Variants in TENM2 observed in about 807,000 individuals in gnomAD.
TENM2 encodes the protein teneurin-2.
In TENM2, 52 loss-of-function variants were observed where a neutral mutation model predicts 245.2. The ratio of observed to expected loss-of-function variants is 0.21; its 90% confidence interval spans 0.17 to 0.27. The LOEUF is 0.27. TENM2 is among the 10% of genes least tolerant of loss of function. The pLI is 1.00. For missense variants in TENM2, 3,046 were observed against 3,666.8 expected, an observed-to-expected ratio of 0.83 and a Z score of 4.37; for synonymous variants, 1,363 against 1,438.9, an observed-to-expected ratio of 0.95 and a Z score of 1.19.
chr5:167,685,871 A>G (rs540608371), intron 2 of TENM2, among the ~76,000 whole-genome samples: 2 of 150,832 alleles, frequency 1.3e-5, no homozygotes, highest in Non-Finnish European at 3.0e-5. Context: ...CGCTTTTTCA[A>G]CAGTGTATGG....
the TENM2 span, among the ~76,000 whole-genome samples, chr5:167,100,730 G>A: frequency 1.3e-5 from 2 of 152,068 alleles, no homozygotes; most frequent in African/African-American, 4.8e-5. Flanking sequence ...GCAACAAAGA[G>A]AGTTTTCCTT....
exon 27 of TENM2, chr5:168,246,859 A>T: frequency 6.2e-7 from 1 of 1,613,952 alleles, no homozygotes; most frequent in Non-Finnish European, 8.5e-7. Flanking sequence ...CCGGCACAGC[A>T]TGTCCACACA....
intron 2 of TENM2, among the ~76,000 whole-genome samples, chr5:167,524,312 C>T (rs868664137): frequency 2.0e-5 from 3 of 152,050 alleles, no homozygotes; most frequent in African/African-American, 4.8e-5. Flanking sequence ...AATAACAATA[C>T]CTACTTCCCT....
At chr5:167,695,519 TG>T (rs1757700170) in intron 2 of TENM2, among the ~76,000 whole-genome samples, 1 of 152,078 alleles carries the variant, frequency 6.6e-6, no homozygotes, top group South Asian at 2.1e-4. Context: ...GGAGTCTCAG[TG>T]GGATGCTAGA....
At chr5:167,083,041 G>A in the TENM2 span, among the ~76,000 whole-genome samples, 1 of 151,928 alleles carries the variant, frequency 6.6e-6, no homozygotes, top group East Asian at 1.9e-4. Context: ...CAAACTCTAG[G>A]GAGCAACCAC....
the TENM2 span, among the ~76,000 whole-genome samples, chr5:167,097,529 CA>C: frequency 2.7e-5 from 4 of 147,774 alleles, no homozygotes; most frequent in East Asian, 2.0e-4. Flanking sequence ...GTAGGGTGCA[CA>C]AAAAAAAACG....
intron 2 of TENM2, among the ~76,000 whole-genome samples, chr5:167,383,741 A>C (rs903536963): frequency 2.0e-5 from 3 of 152,086 alleles, no homozygotes; most frequent in South Asian, 2.1e-4. Flanking sequence ...AAAAAAAAAA[A>C]AAAAAAAAAC....
chr5:167,174,066 A>G, the TENM2 span, among the ~76,000 whole-genome samples: 1 of 150,734 alleles, frequency 6.6e-6, no homozygotes, highest in African/African-American at 2.4e-5. Context: ...AAATAAAGAC[A>G]GAGCTATGGT....
intron 3 of TENM2, among the ~76,000 whole-genome samples, chr5:167,906,466 A>C (rs758135341): frequency 7.9e-5 from 12 of 152,180 alleles, no homozygotes; most frequent in Non-Finnish European, 1.8e-4. Context: ...TGAGAAAGGC[A>C]CCAACCCTGA....
In TENM2 at chr5:167,448,066, C is replaced by T. The variant is rs150662467; in HGVS notation, c.502+72593C>T. On this transcript the variant is annotated intron_variant, in intron 2 of 28. Transcript: ENST00000518659. ...GTGGGATAAAAATTCCTTTCCCAGT[C>T]CCTACTTATCAACATGAAACATCTG... 3.4e-3 allele frequency among the ~76,000 whole-genome samples: 518 copies of T among 152,246 alleles called. 3 individuals carry two copies. The highest frequency in any genetic ancestry group is 0.012 in the African/African-American group (491 of 41,542).
intron 2 of TENM2, among the ~76,000 whole-genome samples, chr5:167,401,517 A>G (rs1762365445): frequency 6.6e-6 from 1 of 152,174 alleles, no homozygotes; most frequent in African/African-American, 2.4e-5. Flanking sequence ...GACAAAGTGT[A>G]AAATGTTCTG....
At chr5:168,121,532 A>G (rs1795465337) in intron 10 of TENM2, among the ~76,000 whole-genome samples, 1 of 152,230 alleles carries the variant, frequency 6.6e-6, no homozygotes, top group East Asian at 1.9e-4. Context: ...TTTTAGATAC[A>G]ATAAATGGTT....
chr5:167,767,223 G>A (rs1336071014), intron 2 of TENM2, among the ~76,000 whole-genome samples: 1 of 152,156 alleles, frequency 6.6e-6, no homozygotes. Context: ...ATCTTAAAAA[G>A]GAAGGGAATT....
At chr5:167,173,303 T>C in the TENM2 span, among the ~76,000 whole-genome samples, 1 of 152,214 alleles carries the variant, frequency 6.6e-6, no homozygotes, top group Non-Finnish European at 1.5e-5. Context: ...ACTTCCTGTT[T>C]CCCCTTTCTC....
intron 13 of TENM2, among the ~76,000 whole-genome samples, chr5:168,171,040 G>C (rs1024224436): frequency 1.3e-5 from 2 of 152,160 alleles, no homozygotes; most frequent in Non-Finnish European, 2.9e-5. Context: ...AGTTCCACCC[G>C]AGGGTCTTTG....
chr5:167,460,724 C>T (rs1766245331), intron 2 of TENM2, among the ~76,000 whole-genome samples: 1 of 152,044 alleles, frequency 6.6e-6, no homozygotes, highest in South Asian at 2.1e-4. Context: ...AAGACAATGT[C>T]AGTTTCCCTA....
In TENM2 at chr5:168,153,554, C is replaced by G. The variant is rs184820352; in HGVS notation, c.2423-9057C>G. 4.9e-3 allele frequency among the ~76,000 whole-genome samples: 741 copies of G among 152,280 alleles called. 2 individuals are homozygous for G. The highest frequency in any genetic ancestry group is 7.9e-3 in the Admixed American group (121 of 15,292). ...GTTCAGAGAGACACATCTGGAAAAG[C>G]CCACAAGAAGAATCCAGGCTACAGA... On this transcript the variant is annotated intron_variant, in intron 12 of 28. Coordinates refer to ENST00000518659, the Ensembl canonical transcript of TENM2.
At chr5:167,602,614 C>A (rs1306646469) in intron 2 of TENM2, among the ~76,000 whole-genome samples, 1 of 152,136 alleles carries the variant, frequency 6.6e-6, no homozygotes, top group African/African-American at 2.4e-5. Flanking sequence ...GAAACTACTT[C>A]TTTGTGAATG....
At chr5:167,361,308 CT>C (rs1759700294) in intron 1 of TENM2, among the ~76,000 whole-genome samples, 2 of 152,254 alleles carry the variant, frequency 1.3e-5, no homozygotes, top group Admixed American at 6.5e-5. Flanking sequence ...CTCAAATCCT[CT>C]TTTTTTCCTA....
Sources: gnomAD v4.1 joint callset for allele counts (sites outside exome capture counted in the v4.1 genomes callset) on GRCh38, gnomAD v4.1.1 for gene constraint, MANE v1.5 for transcripts, NCBI Gene and HGNC (gene_info 2026-07-23, HGNC 2026-07-21) for gene names.